The following HTR4 variants were observed in gnomAD, a reference collection of about 807,000 sequenced individuals.
The protein encoded by HTR4 is 5-hydroxytryptamine receptor 4.
HTR4 carries 16 observed loss-of-function variants against 36.8 expected under a neutral mutation model. That is an observed-to-expected ratio of 0.43 (90% CI 0.29 to 0.66). The LOEUF (loss-of-function observed/expected upper bound fraction) is 0.66. Ranked by LOEUF, HTR4 falls within the 30% of genes least tolerant of loss-of-function variation. The pLI, the probability that HTR4 is intolerant of heterozygous loss-of-function variation, is 0.13. For synonymous variants in HTR4, 189 were observed against 185.1 expected (o/e 1.02, Z -0.17); for missense variants, 438 against 490.9 (o/e 0.89, Z 1.02).
intron 4 of HTR4, among the ~76,000 whole-genome samples, chr5:148,538,399 G>A (rs988768268): frequency 6.6e-6 from 1 of 152,132 alleles, no homozygotes. Context: ...AAAGAAATAA[G>A]GAGCACCCAA....
intron 4 of HTR4, among the ~76,000 whole-genome samples, chr5:148,538,170 A>C (rs1561605040): frequency 6.6e-6 from 1 of 152,298 alleles, no homozygotes; most frequent in East Asian, 1.9e-4. Flanking sequence ...GGCTTTCAAT[A>C]AAATTCAATA....
chr5:148,582,820 T>C (rs1761191785), intron 2 of HTR4, among the ~76,000 whole-genome samples: 1 of 152,166 alleles, frequency 6.6e-6, no homozygotes, highest in African/African-American at 2.4e-5. Flanking sequence ...CTTATCAGCT[T>C]AAGGAGATTT....
At chr5:148,547,614 T>C (rs1250754414) in intron 4 of HTR4, among the ~76,000 whole-genome samples, 1 of 151,590 alleles carries the variant, frequency 6.6e-6, no homozygotes, top group Non-Finnish European at 1.5e-5. Flanking sequence ...AGTGATTGTC[T>C]GAGCACGATG....
At chr5:148,492,612 A>T (rs1756505735) in intron 6 of HTR4, among the ~76,000 whole-genome samples, 1 of 152,254 alleles carries the variant, frequency 6.6e-6, no homozygotes, top group Non-Finnish European at 1.5e-5. Context: ...TACTTATGAT[A>T]ACAATGTAGC....
At chr5:148,596,818 A>G (rs917064832) in intron 2 of HTR4, among the ~76,000 whole-genome samples, 2 of 152,094 alleles carry the variant, frequency 1.3e-5, no homozygotes, top group Non-Finnish European at 2.9e-5. Context: ...TTTACTGAAC[A>G]TTGACTCTAT....
chr5:148,516,440 C>T (rs1478676235), intron 5 of HTR4, among the ~76,000 whole-genome samples: 1 of 149,518 alleles, frequency 6.7e-6, no homozygotes, highest in African/African-American at 2.5e-5. Context: ...CTGCCTCGGT[C>T]TCCTGAGTAG....
At chr5:148,495,684 T>A (rs1756653362) in intron 6 of HTR4, among the ~76,000 whole-genome samples, 1 of 152,238 alleles carries the variant, frequency 6.6e-6, no homozygotes, top group South Asian at 2.1e-4. Flanking sequence ...CAAGACTATG[T>A]AGTCATACCA....
chr5:148,614,961 C>T (rs1158402627), intron 2 of HTR4, among the ~76,000 whole-genome samples: 3 of 152,092 alleles, frequency 2.0e-5, no homozygotes, highest in African/African-American at 2.4e-5. Context: ...CAGAGAAATG[C>T]AAATCAAAAC....
intron 2 of HTR4, among the ~76,000 whole-genome samples, chr5:148,594,585 A>T (rs1761699386): frequency 6.6e-6 from 1 of 152,140 alleles, no homozygotes; most frequent in Admixed American, 6.6e-5. Context: ...GACTTCATTT[A>T]GAGACTTTAA....
intron 2 of HTR4, among the ~76,000 whole-genome samples, chr5:148,593,249 G>A (rs75253144): frequency 0.12 from 18,464 of 152,120 alleles, 1,213 homozygotes; most frequent in African/African-American, 0.15. Context: ...CCCTTCAGAG[G>A]AGTATCAAGT....
chr5:148,614,560 C>A (rs1752582141), intron 2 of HTR4, among the ~76,000 whole-genome samples: 1 of 152,186 alleles, frequency 6.6e-6, no homozygotes, highest in African/African-American at 2.4e-5. Context: ...AAACGTTAGA[C>A]CTAAAACCAT....
intron 2 of HTR4, among the ~76,000 whole-genome samples, chr5:148,596,355 C>T (rs1039131999): frequency 6.6e-6 from 1 of 152,172 alleles, no homozygotes; most frequent in South Asian, 2.1e-4. Flanking sequence ...TTTGGTTACT[C>T]TCCAACTTCA....
chr5:148,451,191 G>A (rs746654331), exon 6 of HTR4: 2 of 1,613,822 alleles, frequency 1.2e-6, no homozygotes, highest in Non-Finnish European at 1.7e-6. Context: ...TCAATCAGAA[G>A]CATGATTCCA....
At chr5:148,472,110 CCA>C (rs769277733), downstream of HTR4, among the ~76,000 whole-genome samples, 4 of 152,164 alleles carry the variant, frequency 2.6e-5, no homozygotes, top group African/African-American at 7.2e-5. Context: ...TCCAGGCTGG[CCA>C]CAGTGACCAG....
intron 1 of HTR4, among the ~76,000 whole-genome samples, chr5:148,642,867 G>T (rs528749218): frequency 5.9e-5 from 9 of 151,852 alleles, no homozygotes; most frequent in Non-Finnish European, 1.3e-4. Flanking sequence ...CTCTTTAAAA[G>T]AATTTCTGCC....
intron 2 of HTR4, among the ~76,000 whole-genome samples, chr5:148,606,839 T>C (rs1176661900): frequency 6.6e-6 from 1 of 152,214 alleles, no homozygotes; most frequent in Non-Finnish European, 1.5e-5. Context: ...ATTAGCCTCC[T>C]GTCAAAAATA....
intron 5 of HTR4, among the ~76,000 whole-genome samples, chr5:148,512,813 T>C (rs973275185): frequency 6.6e-6 from 1 of 152,048 alleles, no homozygotes. Context: ...GCACCTGAAT[T>C]CTAGCTCCTA....
At chr5:148,520,936 G>A in intron 5 of HTR4, 1 of 1,367,788 alleles carries the variant, frequency 7.3e-7, no homozygotes. Flanking sequence ...TGAAAATCCT[G>A]GCCCAGGCCT....
At chr5:148,555,403 G>A (rs559120787) in intron 2 of HTR4, among the ~76,000 whole-genome samples, 2 of 152,334 alleles carry the variant, frequency 1.3e-5, no homozygotes, top group South Asian at 4.1e-4. Context: ...TTTGTGGCAT[G>A]CCAATTAGGA....
Sources: allele counts gnomAD v4.1 joint callset (sites outside exome capture counted in the v4.1 genomes callset), GRCh38; gene constraint gnomAD v4.1.1; transcripts MANE v1.5; gene names NCBI Gene and HGNC (gene_info 2026-07-23, HGNC 2026-07-21).